The following MAGI2 variants were observed in gnomAD, a reference collection of about 807,000 sequenced individuals.
MAGI2 encodes the protein membrane associated guanylate kinase, WW and PDZ domain containing 2, also known as membrane-associated guanylate kinase, WW and PDZ domain-containing protein 2.
A neutral mutation model predicts 133.3 loss-of-function variants in MAGI2; 35 were observed. The ratio of observed to expected loss-of-function variants is 0.26; its 90% CI spans 0.20 to 0.35. MAGI2 has a LOEUF of 0.35. Ranked by LOEUF, MAGI2 falls within the 10% of genes least tolerant of loss-of-function variation. The probability of loss-of-function intolerance (pLI) is 1.00; values close to 1 mark genes in which losing one functional copy is unlikely to be tolerated. For missense variants in MAGI2, 1,636 were observed against 1,863.4 expected, an observed-to-expected ratio of 0.88 and a Z score of 2.25; for synonymous variants, 729 against 710.6, an observed-to-expected ratio of 1.03 and a Z score of -0.41.
intron 9 of MAGI2, among the ~76,000 whole-genome samples, chr7:78,290,829 A>G (rs1796628413): frequency 6.6e-6 from 1 of 152,222 alleles, no homozygotes; most frequent in Admixed American, 6.5e-5. Context: ...ACAGCTCCTG[A>G]ATGACTACTG....
At chr7:78,598,389 G>A (rs1305993177) in intron 3 of MAGI2, among the ~76,000 whole-genome samples, 1 of 151,994 alleles carries the variant, frequency 6.6e-6, no homozygotes, top group Non-Finnish European at 1.5e-5. Context: ...GAGGAGTCCA[G>A]GAAGAAGGAA....
chr7:78,345,832 A>C (rs1790847798), intron 8 of MAGI2, 90 bp downstream of exon 8: 8 of 1,544,638 alleles, frequency 5.2e-6, no homozygotes, highest in African/African-American at 1.4e-5. Flanking sequence ...AATTTTTCAA[A>C]ATGGTCCAAG....
intron 2 of MAGI2, among the ~76,000 whole-genome samples, chr7:78,684,401 C>T (rs1816043055): frequency 6.6e-6 from 1 of 151,920 alleles, no homozygotes; most frequent in South Asian, 2.1e-4. Context: ...AACAAACAGC[C>T]ACTACTTTGG....
At chr7:78,497,645 A>G (rs1197432725) in intron 5 of MAGI2, among the ~76,000 whole-genome samples, 1 of 152,158 alleles carries the variant, frequency 6.6e-6, no homozygotes, top group East Asian at 1.9e-4. Context: ...CAAAACCTAT[A>G]CTGTTTAATA....
At chr7:79,174,240 A>C (rs916149543) in intron 1 of MAGI2, among the ~76,000 whole-genome samples, 2 of 152,106 alleles carry the variant, frequency 1.3e-5, no homozygotes, top group African/African-American at 4.8e-5. Flanking sequence ...TAATTGAAAA[A>C]GAATCATCTA....
At chr7:78,736,954 G>GT (rs1443968886) in intron 2 of MAGI2, among the ~76,000 whole-genome samples, 1 of 152,214 alleles carries the variant, frequency 6.6e-6, no homozygotes, top group Non-Finnish European at 1.5e-5. Context: ...CTGTGCAATT[G>GT]TTTGAGTTGC....
chr7:78,229,866 C>T (rs1461838505), intron 10 of MAGI2, among the ~76,000 whole-genome samples: 2 of 152,086 alleles, frequency 1.3e-5, no homozygotes, highest in African/African-American at 2.4e-5. Flanking sequence ...ACTGAGACTC[C>T]AGACACAGAT....
chr7:78,436,905 G>A (rs1469664048), intron 6 of MAGI2, among the ~76,000 whole-genome samples: 1 of 152,168 alleles, frequency 6.6e-6, no homozygotes, highest in African/African-American at 2.4e-5. Context: ...CCACTGCAGG[G>A]GGATGGAAAT....
At chr7:78,620,433 G>C (rs1324971580) in intron 3 of MAGI2, among the ~76,000 whole-genome samples, 1 of 151,954 alleles carries the variant, frequency 6.6e-6, no homozygotes, top group African/African-American at 2.4e-5. Context: ...GCAGTGTTTA[G>C]CTTAATTGCC....
intron 1 of MAGI2, among the ~76,000 whole-genome samples, chr7:79,037,282 C>T (rs1189426736): frequency 6.6e-6 from 1 of 152,126 alleles, no homozygotes; most frequent in African/African-American, 2.4e-5. Context: ...TTTAGAAGTT[C>T]TCTTTATTTC....
chr7:79,365,242 C>T (rs1373859413), intron 1 of MAGI2, among the ~76,000 whole-genome samples: 5 of 152,022 alleles, frequency 3.3e-5, no homozygotes, highest in Admixed American at 1.3e-4. Flanking sequence ...AATACCAAAG[C>T]GTGGAGAGAA....
intron 3 of MAGI2, among the ~76,000 whole-genome samples, chr7:78,621,580 G>C (rs1807743950): frequency 6.6e-6 from 1 of 151,876 alleles, no homozygotes; most frequent in Non-Finnish European, 1.5e-5. Context: ...AAATTCAAAT[G>C]AGCCATTCAG....
At chr7:78,981,453 G>T (rs930539316) in intron 2 of MAGI2, among the ~76,000 whole-genome samples, 2 of 151,448 alleles carry the variant, frequency 1.3e-5, no homozygotes, top group Non-Finnish European at 3.0e-5. Flanking sequence ...ATAATTTTCT[G>T]ATTTCAATCT....
intron 1 of MAGI2, among the ~76,000 whole-genome samples, chr7:79,115,864 T>TTTTG (rs1819358708): frequency 1.3e-5 from 2 of 149,062 alleles, no homozygotes; most frequent in African/African-American, 4.9e-5. Flanking sequence ...GTTTTTTTTT[T>TTTTG]TTTTTTTTTT....
Position 78,653,288 on chromosome 7 carries a change from T to A in MAGI2, c.419-26049A>T, listed in dbSNP as rs555172303. Among the ~76,000 whole-genome samples the A allele has an allele frequency of 4.6e-5, 7 of 152,336 alleles. No homozygotes were observed. The East Asian group carries it at 1.2e-3, about 25-fold the overall frequency. On this transcript the variant is annotated intron_variant, in intron 2 of 21. Coordinates refer to ENST00000354212, the MANE Select transcript of MAGI2 (RefSeq NM_012301.4). ...GACCCAGCAATCCCATTACTGGGTA[T>A]AAACCCAAAGGATTATAAATCATTC...
intron 2 of MAGI2, among the ~76,000 whole-genome samples, chr7:78,656,960 T>C (rs1812356318): frequency 2.3e-5 from 3 of 131,364 alleles, no homozygotes; most frequent in Non-Finnish European, 4.9e-5. Flanking sequence ...CTCTTAAAAC[T>C]CAACAATAAG....
At position 78,317,452 on chromosome 7, in the gene MAGI2, C is replaced by T. The variant is rs144873191; in HGVS notation, c.1408+26326G>A. Among the ~76,000 whole-genome samples, 41 of 152,308 alleles carry T rather than the reference C, an allele frequency of 2.7e-4. No homozygotes were observed. In the South Asian group the frequency reaches 2.9e-3, roughly 11 times the overall value. On this transcript the variant is annotated intron_variant, in intron 9 of 21. Transcript: ENST00000354212. ...AGCTTGACAACCCCAAGAAGGGAAA[C>T]GATAAGAATGCGCATCAGCATAGTA...
At chr7:78,689,447 C>T (rs1477041259) in intron 2 of MAGI2, among the ~76,000 whole-genome samples, 1 of 152,040 alleles carries the variant, frequency 6.6e-6, no homozygotes, top group Non-Finnish European at 1.5e-5. Flanking sequence ...AAATAAAATG[C>T]TCCAAGTTTG....
chr7:78,866,760 C>T (rs1415753125), intron 2 of MAGI2, among the ~76,000 whole-genome samples: 1 of 152,008 alleles, frequency 6.6e-6, no homozygotes, highest in Non-Finnish European at 1.5e-5. Context: ...GAGGAAGACT[C>T]CACATACTCA....
Sources: gnomAD v4.1 joint callset for allele counts (sites outside exome capture counted in the v4.1 genomes callset) on GRCh38, gnomAD v4.1.1 for gene constraint, MANE v1.5 for transcripts, NCBI Gene and HGNC (gene_info 2026-07-23, HGNC 2026-07-21) for gene names.